The following LUZP2 variants were observed in gnomAD, a reference collection of about 807,000 sequenced individuals.
LUZP2 encodes leucine zipper protein 2.
A neutral mutation model predicts 51.6 loss-of-function variants in LUZP2; 52 were observed. The ratio of observed to expected loss-of-function variants is 1.01; its 90% CI spans 0.81 to 1.27. The LOEUF (loss-of-function observed/expected upper bound fraction) is 1.27, where lower values mean the gene tolerates loss of function less well. LUZP2 is among the 50% of genes most tolerant of loss of function. LUZP2 has a pLI of 0.00. For missense variants in LUZP2, 436 were observed against 395.4 expected, an observed-to-expected ratio of 1.10 and a Z score of -0.87; for synonymous variants, 154 against 137.3, an observed-to-expected ratio of 1.12 and a Z score of -0.85.
At chr11:24,663,821 C>A (rs1193150501) in intron 1 of LUZP2, among the ~76,000 whole-genome samples, 1 of 152,124 alleles carries the variant, frequency 6.6e-6, no homozygotes, top group Non-Finnish European at 1.5e-5. Context: ...CATGAGGCTT[C>A]CCCCTTCACT....
chr11:24,870,115 G>T (rs1852014423), intron 5 of LUZP2, among the ~76,000 whole-genome samples: 1 of 152,182 alleles, frequency 6.6e-6, no homozygotes, highest in South Asian at 2.1e-4. Context: ...TCTAAATCAA[G>T]GCCCTAACTC....
At chr11:24,690,318 G>C (rs1857026728) in intron 1 of LUZP2, among the ~76,000 whole-genome samples, 2 of 151,950 alleles carry the variant, frequency 1.3e-5, no homozygotes, top group African/African-American at 4.8e-5. Context: ...TGCATACCAG[G>C]GTTTATTTGT....
At position 24,872,163 on chromosome 11, in the gene LUZP2, A is replaced by G. The variant is rs564005218; in HGVS notation, c.397-33828A>G. ...TCTCAATATCTCTCTACATTGGGCTATCAATTTCTTATATTAGAGTAGTTA... is the reference window on the plus strand; with the variant it reads ...TCTCAATATCTCTCTACATTGGGCTGTCAATTTCTTATATTAGAGTAGTTA... On this transcript the variant is annotated intron_variant, in intron 5 of 11. Transcript: ENST00000336930. Among the ~76,000 whole-genome samples the G allele has an allele frequency of 1.3e-4, 20 of 152,224 alleles. No individual in the cohort carries two copies. In the South Asian group the frequency reaches 4.2e-3, roughly 32 times the overall value.
At chr11:24,935,502 T>G (rs1168860239) in intron 7 of LUZP2, among the ~76,000 whole-genome samples, 1 of 152,252 alleles carries the variant, frequency 6.6e-6, no homozygotes, top group Admixed American at 6.5e-5. Context: ...ACATTTTAGG[T>G]TCTAAAATTA....
intron 1 of LUZP2, among the ~76,000 whole-genome samples, chr11:24,682,966 G>T (rs1024262952): frequency 3.3e-5 from 5 of 152,008 alleles, no homozygotes; most frequent in Non-Finnish European, 5.9e-5. Context: ...ATCAGCTTGG[G>T]CGACAGAGTG....
chr11:24,570,905 T>C (rs1347768328), intron 1 of LUZP2, among the ~76,000 whole-genome samples: 2 of 152,070 alleles, frequency 1.3e-5, no homozygotes, highest in Non-Finnish European at 2.9e-5. Flanking sequence ...TCTGAAATCA[T>C]ACAGCTAGCA....
rs1265383432 is a variant in LUZP2, at chr11:24,540,419, T to G, written c.62+43114T>G. Among the ~76,000 whole-genome samples, 3 of 152,080 alleles carry G rather than the reference T, an allele frequency of 2.0e-5. No homozygotes were observed. In the East Asian group the frequency reaches 5.8e-4, roughly 29 times the overall value. On this transcript the variant is annotated intron_variant, in intron 1 of 11. Transcript: ENST00000336930. ...GATAGGTTTAATAACCTAATAAGAA[T>G]AGACTTTGGAGAGATTGCTTGCTCT...
intron 9 of LUZP2, among the ~76,000 whole-genome samples, chr11:24,997,395 T>C (rs1316918664): frequency 1.3e-5 from 2 of 152,298 alleles, no homozygotes; most frequent in African/African-American, 4.8e-5. Flanking sequence ...TTTCCTGTGT[T>C]TTTTGGCTGC....
At chr11:24,609,388 A>T (rs1377958593) in intron 1 of LUZP2, among the ~76,000 whole-genome samples, 1 of 152,102 alleles carries the variant, frequency 6.6e-6, no homozygotes, top group Admixed American at 6.6e-5. Context: ...GAAATAGTGT[A>T]GGAGGAAGGC....
At chr11:24,921,519 A>C (rs1448157720) in intron 7 of LUZP2, among the ~76,000 whole-genome samples, 1 of 152,142 alleles carries the variant, frequency 6.6e-6, no homozygotes, top group Non-Finnish European at 1.5e-5. Flanking sequence ...CCTACTTTCT[A>C]ATCGCCGGCA....
intron 1 of LUZP2, among the ~76,000 whole-genome samples, chr11:24,589,438 T>C (rs1853185497): frequency 6.6e-6 from 1 of 152,206 alleles, no homozygotes; most frequent in Non-Finnish European, 1.5e-5. Context: ...AAAGTTCCTG[T>C]GGCTCCATGA....
chr11:24,545,589 A>G (rs1481662259), intron 1 of LUZP2, among the ~76,000 whole-genome samples: 5 of 147,476 alleles, frequency 3.4e-5, no homozygotes, highest in Non-Finnish European at 6.0e-5. Flanking sequence ...TTTGTAAAAG[A>G]TCAGATAGGT....
intron 9 of LUZP2, among the ~76,000 whole-genome samples, chr11:24,995,973 A>G (rs1360503567): frequency 2.0e-5 from 3 of 151,510 alleles, no homozygotes; most frequent in Middle Eastern, 3.2e-3. Context: ...AATTTTTTGT[A>G]TAATTCATTT....
chr11:24,927,237 T>C (rs985134039), intron 7 of LUZP2, among the ~76,000 whole-genome samples: 3 of 152,144 alleles, frequency 2.0e-5, no homozygotes, highest in Admixed American at 2.0e-4. Flanking sequence ...TTGTTTCTTT[T>C]GCTGTGCTGA....
chr11:24,914,841 G>T lies in LUZP2; in HGVS notation c.522+303G>T, dbSNP rs191297877. Among the ~76,000 whole-genome samples the T allele has an allele frequency of 4.6e-3, 703 of 152,160 alleles. 4 individuals carry two copies. Among genetic ancestry groups the T allele is most frequent in the African/African-American group, 0.016 (676 of 41,508 alleles). ...TATTAAGCTGAGAGACTTACGCAAAGGTAGATCATACAAGGACTTTTGAAT... is the reference window on the plus strand; with the variant it reads ...TATTAAGCTGAGAGACTTACGCAAATGTAGATCATACAAGGACTTTTGAAT... On this transcript the variant is annotated intron_variant, in intron 7 of 11. Coordinates refer to ENST00000336930, the MANE Select transcript of LUZP2 (RefSeq NM_001009909.4).
At chr11:24,703,596 G>A (rs1472591418) in intron 1 of LUZP2, among the ~76,000 whole-genome samples, 2 of 152,078 alleles carry the variant, frequency 1.3e-5, no homozygotes, top group Non-Finnish European at 2.9e-5. Context: ...GCCGAGGCAG[G>A]TGGATCACCT....
chr11:25,057,732 G>A (rs144724413), intron 10 of LUZP2, among the ~76,000 whole-genome samples: 2 of 152,092 alleles, frequency 1.3e-5, no homozygotes, highest in East Asian at 3.9e-4. Context: ...AAACAAGGAT[G>A]GCTTATGTTT....
At chr11:24,599,432 G>A (rs907296859) in intron 1 of LUZP2, among the ~76,000 whole-genome samples, 2 of 151,808 alleles carry the variant, frequency 1.3e-5, no homozygotes, top group Admixed American at 6.6e-5. Flanking sequence ...CTTCACATTT[G>A]GGCCAATTCA....
At chr11:24,865,960 C>A (rs1307352157) in intron 5 of LUZP2, among the ~76,000 whole-genome samples, 2 of 151,662 alleles carry the variant, frequency 1.3e-5, no homozygotes, top group African/African-American at 4.9e-5. Context: ...CAGATGTGCA[C>A]CACCATGCCC....
Sources: allele counts gnomAD v4.1 joint callset (sites outside exome capture counted in the v4.1 genomes callset), GRCh38; gene constraint gnomAD v4.1.1; transcripts MANE v1.5; gene names NCBI Gene and HGNC (gene_info 2026-07-23, HGNC 2026-07-21).